NRXN3: variants seen among roughly 807,000 people sequenced by gnomAD.
The protein encoded by NRXN3 is neurexin III.
A neutral mutation model predicts 137.6 loss-of-function variants in NRXN3; 32 were observed. The observed-to-expected ratio is 0.23, with a 90% CI of 0.18 to 0.31. The LOEUF is 0.31. Among genes scored for constraint, NRXN3 ranks in the 10% least tolerant of loss-of-function variants. The pLI is 1.00. For synonymous variants in NRXN3, 798 were observed against 784.5 expected, an observed-to-expected ratio of 1.02 and a Z score of -0.29; for missense variants, 1,574 against 2,062.5, an observed-to-expected ratio of 0.76 and a Z score of 4.59.
At chr14:78,939,125 G>A (rs1164075967) in intron 10 of NRXN3, among the ~76,000 whole-genome samples, 1 of 151,950 alleles carries the variant, frequency 6.6e-6, no homozygotes, top group Non-Finnish European at 1.5e-5. Flanking sequence ...GATTACAGGC[G>A]TGAGCCACCG....
chr14:79,750,265 G>C (rs2098993104), intron 19 of NRXN3, among the ~76,000 whole-genome samples: 1 of 152,108 alleles, frequency 6.6e-6, no homozygotes, highest in Admixed American at 6.6e-5. Flanking sequence ...CCAGGGAGAA[G>C]TAATAAGACA....
intron 1 of NRXN3, among the ~76,000 whole-genome samples, chr14:78,224,559 AATG>A (rs1439415174): frequency 3.9e-5 from 6 of 151,900 alleles, no homozygotes; most frequent in Non-Finnish European, 8.8e-5. Context: ...GTTTACTGAG[AATG>A]ATGATTTCCA....
intron 15 of NRXN3, among the ~76,000 whole-genome samples, chr14:79,120,653 C>T (rs2055249879): frequency 6.6e-6 from 1 of 152,072 alleles, no homozygotes; most frequent in Non-Finnish European, 1.5e-5. Flanking sequence ...ATTTATCCTC[C>T]TCACTATCCT....
At chr14:79,378,744 T>C (rs1342943224) in intron 15 of NRXN3, among the ~76,000 whole-genome samples, 1 of 152,204 alleles carries the variant, frequency 6.6e-6, no homozygotes, top group Non-Finnish European at 1.5e-5. Context: ...ATCATGTTTA[T>C]TCATTTATTT....
In NRXN3 at chr14:78,441,680, G is replaced by A. The variant is rs554991297; in HGVS notation, c.757+143820G>A. Among the ~76,000 whole-genome samples, 10 of 152,130 alleles carry A rather than the reference G, an allele frequency of 6.6e-5. No individual in the cohort carries two copies. The South Asian group carries it at 2.1e-3, about 32-fold the overall frequency. On this transcript the variant is annotated intron_variant, in intron 4 of 20. Coordinates refer to ENST00000335750, the MANE Select transcript of NRXN3 (RefSeq NM_001330195.2). ...TGTTACATCTTAATTGCTGGAACTT[G>A]TCAATGTTACCTTATTGGAAAAAAT...
chr14:78,793,793 A>G (rs1447376752), intron 8 of NRXN3, among the ~76,000 whole-genome samples: 1 of 152,098 alleles, frequency 6.6e-6, no homozygotes, highest in Non-Finnish European at 1.5e-5. Context: ...AACTATCTAG[A>G]CCAACTGGTA....
chr14:79,340,160 GGTGTGTGTGTGT>G lies in NRXN3; in HGVS notation c.3263-127042_3263-127031del, dbSNP rs10533702. Among the ~76,000 whole-genome samples, 135 of 146,732 alleles carry G rather than the reference GGTGTGTGTGTGT, an allele frequency of 9.2e-4. 2 individuals carry two copies. In the East Asian group the frequency reaches 0.025, roughly 27 times the overall value. On this transcript the variant is annotated intron_variant, in intron 15 of 20. Transcript: ENST00000335750. Reference sequence around the variant, plus strand: ...CCCTCGTTTGACCTCTGAATTTAAGGGTGTGTGTGTGTGTGTGTGTGTGTGTGTGTATGTGTG... The same window carrying G: ...CCCTCGTTTGACCTCTGAATTTAAGGGTGTGTGTGTGTGTGTGTATGTGTG...
At chr14:78,968,096 C>A in intron 13 of NRXN3, 77 bp from the exon 14 acceptor site, 1 of 331,978 alleles carries the variant, frequency 3.0e-6, no homozygotes, top group Non-Finnish European at 4.9e-6. Flanking sequence ...GATGAATTAT[C>A]TCAAGTGTAT....
intron 15 of NRXN3, among the ~76,000 whole-genome samples, chr14:79,049,022 CAAAAAAAAAAAAAAAAAAAAAAAA>C (rs1171306670): frequency 0.026 from 764 of 29,190 alleles, 5 homozygotes; most frequent in African/African-American, 0.075. Context: ...AACTCCGTCT[CAAAAAAAAAAAAAAAAAAAAAAAA>C]AAAAAAAAAA....
At chr14:78,994,228 G>A (rs2099525189) in intron 15 of NRXN3, among the ~76,000 whole-genome samples, 1 of 152,106 alleles carries the variant, frequency 6.6e-6, no homozygotes, top group African/African-American at 2.4e-5. Context: ...TAGCGTGCCA[G>A]CAGGCAAGCA....
chr14:78,677,358 C>T (rs1014749768), intron 6 of NRXN3, among the ~76,000 whole-genome samples: 2 of 151,984 alleles, frequency 1.3e-5, no homozygotes, highest in South Asian at 2.1e-4. Context: ...TTGATCACAA[C>T]CCTCATGGAT....
intron 15 of NRXN3, among the ~76,000 whole-genome samples, chr14:79,127,144 T>C (rs1178748228): frequency 6.6e-6 from 1 of 152,090 alleles, no homozygotes; most frequent in East Asian, 1.9e-4. Context: ...ACTCTGATCG[T>C]AGTTTCTTTT....
At chr14:79,494,022 TC>T (rs1256310636) in intron 16 of NRXN3, among the ~76,000 whole-genome samples, 8 of 152,290 alleles carry the variant, frequency 5.3e-5, no homozygotes, top group Admixed American at 3.9e-4. Flanking sequence ...TGGTAGGTGT[TC>T]CATCAATGTT....
At chr14:79,729,937 T>G (rs760848861) in intron 19 of NRXN3, among the ~76,000 whole-genome samples, 3 of 152,148 alleles carry the variant, frequency 2.0e-5, no homozygotes, top group African/African-American at 4.8e-5. Context: ...ATGATCCATG[T>G]GAACCAAAAG....
intron 3 of NRXN3, among the ~76,000 whole-genome samples, chr14:78,293,415 C>T (rs1278612102): frequency 6.6e-6 from 1 of 152,168 alleles, no homozygotes; most frequent in Non-Finnish European, 1.5e-5. Flanking sequence ...CTTTATGTGT[C>T]ATACAGAACT....
At chr14:78,709,835 C>T in intron 7 of NRXN3, 180 bp downstream of exon 7, 1 of 607,026 alleles carries the variant, frequency 1.6e-6, no homozygotes, top group Non-Finnish European at 2.9e-6. Flanking sequence ...AGATGGCTCA[C>T]ATTCTCCGCT....
intron 4 of NRXN3, among the ~76,000 whole-genome samples, chr14:78,440,773 T>G (rs1598705428): frequency 6.6e-6 from 1 of 151,698 alleles, no homozygotes; most frequent in Non-Finnish European, 1.5e-5. Flanking sequence ...TGGGGTGGGG[T>G]GTGCTGCAGG....
chr14:78,446,548 AAAGT>A (rs1207479420), intron 4 of NRXN3, among the ~76,000 whole-genome samples: 1 of 152,258 alleles, frequency 6.6e-6, no homozygotes, highest in Non-Finnish European at 1.5e-5. Flanking sequence ...GACCTGGCAC[AAAGT>A]AAGAACTTAG....
At chr14:79,437,758 G>A (rs1475499950) in intron 15 of NRXN3, among the ~76,000 whole-genome samples, 1 of 152,198 alleles carries the variant, frequency 6.6e-6, no homozygotes, top group East Asian at 1.9e-4. Flanking sequence ...CCCCTGAGCT[G>A]AAAGTTGGGA....
Sources: gnomAD v4.1 joint callset for allele counts (sites outside exome capture counted in the v4.1 genomes callset) on GRCh38, gnomAD v4.1.1 for gene constraint, MANE v1.5 for transcripts, NCBI Gene and HGNC (gene_info 2026-07-23, HGNC 2026-07-21) for gene names.